The following DEPDC5 variants were observed in gnomAD, a reference collection of about 807,000 sequenced individuals.
DEPDC5 encodes GATOR1 complex protein DEPDC5.
DEPDC5 carries 73 observed loss-of-function variants against 217.3 expected under a neutral mutation model. The observed-to-expected ratio is 0.34, with a 90% CI of 0.28 to 0.41. DEPDC5 has a LOEUF of 0.41. Among genes scored for constraint, DEPDC5 ranks in the 10% least tolerant of loss-of-function variants. DEPDC5 has a pLI of 1.00. For missense variants in DEPDC5, 1,675 were observed against 2,070.1 expected, an observed-to-expected ratio of 0.81 and a Z score of 3.70; for synonymous variants, 733 against 756.7, an observed-to-expected ratio of 0.97 and a Z score of 0.51.
chr22:31,883,984 G>A (rs1314615718), intron 38 of DEPDC5, among the ~76,000 whole-genome samples: 1 of 152,040 alleles, frequency 6.6e-6, no homozygotes, highest in African/African-American at 2.4e-5. Flanking sequence ...ACCCCCACCA[G>A]GACCTGTAAC....
At chr22:31,874,212 T>C (rs2092929590) in intron 35 of DEPDC5, 61 bp from the exon 36 acceptor site, 4 of 1,567,438 alleles carry the variant, frequency 2.6e-6, no homozygotes, top group Non-Finnish European at 3.5e-6. Context: ...CATCTTTCCT[T>C]CCACTTGTTG....
intron 32 of DEPDC5, chr22:31,858,632 AC>A (rs2092392099): frequency 6.6e-6 from 1 of 152,232 alleles, no homozygotes; most frequent in Non-Finnish European, 1.5e-5. Flanking sequence ...ATAATTATAT[AC>A]TTTTTTCTTT....
At chr22:31,873,699 G>GAC (rs2092913253) in intron 35 of DEPDC5, 1 of 180,166 alleles carries the variant, frequency 5.6e-6, no homozygotes, top group Non-Finnish European at 1.2e-5. Context: ...TACCTAGTAT[G>GAC]ATGCCTGACA....
intron 27 of DEPDC5, among the ~76,000 whole-genome samples, chr22:31,842,413 T>TA (rs2148997717): frequency 6.6e-6 from 1 of 151,974 alleles, no homozygotes; most frequent in African/African-American, 2.4e-5. Context: ...CCGTCTCCAC[T>TA]AAAAATACGA....
intron 7 of DEPDC5, among the ~76,000 whole-genome samples, chr22:31,777,277 T>TC (rs2083969124): frequency 6.7e-6 from 1 of 150,332 alleles, no homozygotes; most frequent in Non-Finnish European, 1.5e-5. Flanking sequence ...TTTTTTTTTT[T>TC]TTTGAGACAG....
intron 40 of DEPDC5, among the ~76,000 whole-genome samples, chr22:31,898,386 G>A (rs914287875): frequency 2.6e-5 from 4 of 152,272 alleles, no homozygotes; most frequent in African/African-American, 4.8e-5. Flanking sequence ...CCAAGTGCTC[G>A]TTGTGGATGC....
At chr22:31,801,581 G>A (rs536287418) in intron 14 of DEPDC5, among the ~76,000 whole-genome samples, 1 of 152,296 alleles carries the variant, frequency 6.6e-6, no homozygotes, top group Admixed American at 6.5e-5. Context: ...GCCAGGAAAG[G>A]CTCAAACACC....
At chr22:31,869,763 C>T (rs117884977) in intron 33 of DEPDC5, among the ~76,000 whole-genome samples, 208 of 152,020 alleles carry the variant, frequency 1.4e-3, no homozygotes, top group Non-Finnish European at 1.8e-3. Context: ...CCCGTGATGT[C>T]CTGTGAGTCG....
At chr22:31,884,421 A>G (rs575363138) in intron 38 of DEPDC5, among the ~76,000 whole-genome samples, 7 of 152,276 alleles carry the variant, frequency 4.6e-5, no homozygotes, top group Admixed American at 2.0e-4. Context: ...AGCCTTCCCA[A>G]TGCAGGGAGC....
At chr22:31,830,615 C>T (rs566838334) in intron 24 of DEPDC5, among the ~76,000 whole-genome samples, 24 of 142,992 alleles carry the variant, frequency 1.7e-4, no homozygotes, top group Non-Finnish European at 1.8e-4. Flanking sequence ...TTTGCTTTTT[C>T]GGGGTATGCG....
At chr22:31,783,426 C>T (rs925453938) in intron 8 of DEPDC5, among the ~76,000 whole-genome samples, 6 of 152,116 alleles carry the variant, frequency 3.9e-5, no homozygotes, top group African/African-American at 1.4e-4. Flanking sequence ...CACCTCCGGA[C>T]ACGGTGTGAG....
intron 18 of DEPDC5, 102 bp from the exon 19 acceptor site, chr22:31,809,509 T>C: frequency 7.8e-7 from 1 of 1,284,964 alleles, no homozygotes; most frequent in Non-Finnish European, 1.1e-6. Context: ...TTCTGTCAGT[T>C]ACAGGCTGTC....
At chr22:31,772,786 T>G (rs1211132774) in intron 7 of DEPDC5, among the ~76,000 whole-genome samples, 1 of 150,898 alleles carries the variant, frequency 6.6e-6, no homozygotes, top group African/African-American at 2.4e-5. Context: ...ATATATATTA[T>G]ATATATTATT....
At chr22:31,860,211 G>C (rs1014645763) in intron 32 of DEPDC5, among the ~76,000 whole-genome samples, 18 of 152,212 alleles carry the variant, frequency 1.2e-4, no homozygotes, top group African/African-American at 4.3e-4. Flanking sequence ...GAGCCCTGCT[G>C]ACATGCTCAG....
At chr22:31,835,277 A>G (rs1198984464) in intron 25 of DEPDC5, among the ~76,000 whole-genome samples, 3 of 152,296 alleles carry the variant, frequency 2.0e-5, no homozygotes, top group East Asian at 1.9e-4. Flanking sequence ...AGATGATTCT[A>G]TTTCTCTACA....
intron 14 of DEPDC5, 40 bp from the exon 15 acceptor site, chr22:31,802,664 C>T (rs1047914616): frequency 2.7e-5 from 40 of 1,495,076 alleles, no homozygotes; most frequent in Non-Finnish European, 3.4e-5. Flanking sequence ...TTCTGAAAAG[C>T]TGTAACATCA....
chr22:31,874,242 C>T, intron 35 of DEPDC5, 31 bp from the exon 36 acceptor site: 2 of 1,595,564 alleles, frequency 1.3e-6, no homozygotes, highest in Non-Finnish European at 1.7e-6. Flanking sequence ...ACACACATCC[C>T]CTGCTCCCCG....
At chr22:31,873,233 G>T in intron 34 of DEPDC5, 22 bp from the exon 35 acceptor site, 2 of 1,613,872 alleles carry the variant, frequency 1.2e-6, no homozygotes, top group Non-Finnish European at 1.7e-6. Context: ...TTGCTTTGCT[G>T]ACCTGACACC....
rs761634410 is a variant in DEPDC5 at position 31,802,772 on chromosome 22, G to A, written c.1015G>A (p.Gly339Arg). ...TGQMSVVITP[G>R]VGVFEVDRLL... ...GCAGATGTCAGTGGTGATCACGCCCGGGGTGGGTGTCTTTGAAGTGGACCG... is the reference window on the plus strand; with the variant it reads ...GCAGATGTCAGTGGTGATCACGCCCAGGGTGGGTGTCTTTGAAGTGGACCG... The change falls in exon 15 of 43, where the codon GGG (glycine) becomes AGG (arginine). Residue 339 changes from glycine (G) to arginine (R), a missense_variant. Around this residue, in one of 11 missense-constraint regions of DEPDC5, gnomAD observed 628 missense variants for 762.1 expected, o/e 0.82. Coordinates refer to ENST00000651528, the MANE Select transcript of DEPDC5 (RefSeq NM_001242896.3). 3.1e-6 allele frequency: 5 copies of A among 1,605,684 alleles called. No individual in the cohort carries two copies. The highest frequency in any genetic ancestry group is 1.3e-5 in the African/African-American group (1 of 74,646).
Sources: gnomAD v4.1 joint callset for allele counts (sites outside exome capture counted in the v4.1 genomes callset) on GRCh38, gnomAD v4.1.1 for gene constraint, gnomAD v4.1.1 regional missense constraint, MANE v1.5 for transcripts, NCBI Gene and HGNC (gene_info 2026-07-23, HGNC 2026-07-21) for gene names.